The following ESRRG variants were observed in gnomAD, a reference collection of about 807,000 sequenced individuals.
ESRRG encodes estrogen related receptor gamma, also known as estrogen-related receptor gamma.
ESRRG carries 13 observed loss-of-function variants against 44.0 expected under a neutral mutation model. The observed-to-expected ratio is 0.30, with a 90% confidence interval of 0.19 to 0.47. The LOEUF is 0.47. Among genes scored for constraint, ESRRG ranks in the 20% least tolerant of loss-of-function variants. The pLI is 1.00. For synonymous variants in ESRRG, 215 were observed against 214.6 expected, an observed-to-expected ratio of 1.00 and a Z score of -0.02; for missense variants, 395 against 580.6, an observed-to-expected ratio of 0.68 and a Z score of 3.29.
At chr1:216,569,883 A>G (rs2060466496) in intron 3 of ESRRG, among the ~76,000 whole-genome samples, 1 of 152,192 alleles carries the variant, frequency 6.6e-6, no homozygotes, top group African/African-American at 2.4e-5. Flanking sequence ...AGGAAGCTAC[A>G]TAGCACATGC....
chr1:216,662,815 A>T (rs756453514), intron 2 of ESRRG, among the ~76,000 whole-genome samples: 13 of 152,178 alleles, frequency 8.5e-5, no homozygotes, highest in Middle Eastern at 6.8e-3. Context: ...TGACTCCTTA[A>T]CTCAGCTGCT....
rs140552660 is a variant in ESRRG at position 216,506,069 on chromosome 1, C to G, written c.*870G>C. The G allele has an allele frequency of 2.6e-5, 4 of 152,636 alleles. No individual in the cohort carries two copies. Among genetic ancestry groups the G allele is most frequent in the African/African-American group, 9.6e-5 (4 of 41,530 alleles). The allele number at this position is 152,636 out of a possible 1,614,324, so 9.5% of individuals were successfully genotyped here. A position where few individuals can be genotyped will look rare whatever the true frequency, so the allele number is the denominator to read the frequency against. ...ATTCCCTGAAAAAGTTACATAGTAG[C>G]TAAACTAACAAATACCTGGAAGACT... On this transcript the variant is annotated 3_prime_UTR_variant, in exon 7 of 7. Transcript: ENST00000408911.
intron 1 of ESRRG, among the ~76,000 whole-genome samples, chr1:216,964,672 T>C (rs2576212): frequency 0.51 from 77,519 of 151,840 alleles, 21,698 homozygotes; most frequent in Middle Eastern, 0.7. Context: ...ACTTCTTCTT[T>C]CTGGTCTAGA....
At chr1:216,961,236 C>T (rs544867573) in intron 1 of ESRRG, among the ~76,000 whole-genome samples, 1 of 152,160 alleles carries the variant, frequency 6.6e-6, no homozygotes, top group African/African-American at 2.4e-5. Context: ...CTACCTTATA[C>T]CACACAAAAC....
At chr1:216,675,521 C>G (rs1378359424) in intron 2 of ESRRG, among the ~76,000 whole-genome samples, 1 of 152,126 alleles carries the variant, frequency 6.6e-6, no homozygotes. Flanking sequence ...TATGAAGGCT[C>G]CACATAAATT....
intron 1 of ESRRG, among the ~76,000 whole-genome samples, chr1:216,694,723 A>G (rs139348490): frequency 2.6e-4 from 39 of 151,638 alleles, no homozygotes; most frequent in African/African-American, 8.7e-4. Context: ...CACCTGGCTA[A>G]TTTTTCTTTT....
intron 3 of ESRRG, among the ~76,000 whole-genome samples, chr1:216,617,053 T>C (rs2061516289): frequency 6.6e-6 from 1 of 152,200 alleles, no homozygotes; most frequent in African/African-American, 2.4e-5. Flanking sequence ...TTTCATAATA[T>C]AAAACTCATC....
rs140108408 is a variant in ESRRG at position 216,999,719 on chromosome 1, G to A, written c.-105-60046C>T. ...GTTACTCTGTGATGATTCATAGTTT[G>A]TGAGAAGAAATGTATTTTTGTTTTT... On this transcript the variant is annotated intron_variant, in intron 1 of 7. Coordinates refer to the ESRRG transcript ENST00000359162. 1.6e-4 allele frequency among the ~76,000 whole-genome samples: 23 copies of A among 146,546 alleles called. No individual in the cohort carries two copies. The East Asian group carries it at 4.6e-3, about 29-fold the overall frequency.
chr1:216,997,472 G>A (rs544158460), intron 1 of ESRRG, among the ~76,000 whole-genome samples: 1 of 152,312 alleles, frequency 6.6e-6, no homozygotes, highest in African/African-American at 2.4e-5. Context: ...CCATGAGGGA[G>A]GCCTTTAAGG....
chr1:216,951,541 G>A (rs188171037), intron 1 of ESRRG, among the ~76,000 whole-genome samples: 7 of 151,942 alleles, frequency 4.6e-5, no homozygotes, highest in South Asian at 2.1e-4. Context: ...TTTAGCTTCC[G>A]CTTCTTATTA....
chr1:216,667,765 A>C (rs1019245731), intron 2 of ESRRG, among the ~76,000 whole-genome samples: 1 of 151,694 alleles, frequency 6.6e-6, no homozygotes, highest in South Asian at 2.1e-4. Flanking sequence ...AAATGTAACT[A>C]TCATGAATTA....
intron 1 of ESRRG, among the ~76,000 whole-genome samples, chr1:216,677,701 G>T (rs1015742224): frequency 6.6e-6 from 1 of 152,142 alleles, no homozygotes; most frequent in African/African-American, 2.4e-5. Context: ...TCATTCTCTA[G>T]TCAATACTTC....
At chr1:216,998,435 C>A (rs2076633489) in intron 1 of ESRRG, among the ~76,000 whole-genome samples, 1 of 152,158 alleles carries the variant, frequency 6.6e-6, no homozygotes, top group African/African-American at 2.4e-5. Context: ...TTGTATTATA[C>A]CATCCTCATT....
upstream of ESRRG, among the ~76,000 whole-genome samples, chr1:216,727,086 C>T (rs945034528): frequency 1.2e-4 from 19 of 152,210 alleles, no homozygotes; most frequent in Middle Eastern, 3.4e-3. Flanking sequence ...CAGGACTAAC[C>T]TTCATTAAAA....
At chr1:216,634,193 A>C (rs145320598) in intron 3 of ESRRG, among the ~76,000 whole-genome samples, 6 of 152,298 alleles carry the variant, frequency 3.9e-5, no homozygotes, top group South Asian at 2.1e-4. Context: ...ATAAGCTTCC[A>C]AATGTACAAG....
At chr1:216,820,110 G>A (rs1241310740) in intron 2 of ESRRG, among the ~76,000 whole-genome samples, 1 of 152,256 alleles carries the variant, frequency 6.6e-6, no homozygotes, top group East Asian at 1.9e-4. Flanking sequence ...AGCCTGGTAA[G>A]ATTTTAAATA....
intron 2 of ESRRG, among the ~76,000 whole-genome samples, chr1:216,877,136 A>G (rs1490113592): frequency 2.0e-5 from 3 of 151,940 alleles, no homozygotes; most frequent in Non-Finnish European, 4.4e-5. Context: ...AGATCCCCCA[A>G]TTGTACTCAT....
chr1:216,687,976 G>T (rs544508156), intron 1 of ESRRG, among the ~76,000 whole-genome samples: 2 of 152,010 alleles, frequency 1.3e-5, no homozygotes, highest in Non-Finnish European at 2.9e-5. Flanking sequence ...GTCTCAAATA[G>T]TGCCTCTGAC....
chr1:216,949,912 A>T (rs1175378035), intron 1 of ESRRG, among the ~76,000 whole-genome samples: 2 of 151,818 alleles, frequency 1.3e-5, no homozygotes, highest in African/African-American at 2.4e-5. Context: ...TCCCGGGCTC[A>T]GGCCATTCTC....
Sources: gnomAD v4.1 joint callset for allele counts (sites outside exome capture counted in the v4.1 genomes callset) on GRCh38, gnomAD v4.1.1 for gene constraint, MANE v1.5 for transcripts, NCBI Gene and HGNC (gene_info 2026-07-23, HGNC 2026-07-21) for gene names.